The following MGMT variants were observed in gnomAD, a reference collection of about 807,000 sequenced individuals.
MGMT encodes the protein O-6-methylguanine-DNA methyltransferase.
In MGMT, 14 loss-of-function variants were observed where a neutral mutation model predicts 15.9. The ratio of observed to expected loss-of-function variants is 0.88; its 90% CI spans 0.58 to 1.37. The LOEUF (loss-of-function observed/expected upper bound fraction) is 1.37. MGMT is among the 40% of genes most tolerant of loss of function. The pLI is 0.00. For missense variants in MGMT, 282 were observed against 268.1 expected (o/e 1.05, Z -0.36); for synonymous variants, 130 against 118.2 (o/e 1.10, Z -0.65).
intron 2 of MGMT, among the ~76,000 whole-genome samples, chr10:129,538,033 G>C (rs1168917516): frequency 6.6e-6 from 1 of 152,146 alleles, no homozygotes; most frequent in African/African-American, 2.4e-5. Flanking sequence ...GTGGGATTTG[G>C]GGGGCAGCCA....
chr10:129,581,807 C>T (rs1846558837), intron 2 of MGMT, among the ~76,000 whole-genome samples: 1 of 152,230 alleles, frequency 6.6e-6, no homozygotes, highest in Non-Finnish European at 1.5e-5. Flanking sequence ...CCGTCCCGTC[C>T]TCCTGGAGAC....
At chr10:129,666,604 A>G (rs1001883677) in intron 2 of MGMT, among the ~76,000 whole-genome samples, 1 of 152,190 alleles carries the variant, frequency 6.6e-6, no homozygotes, top group African/African-American at 2.4e-5. Context: ...TGACTTTTGT[A>G]CTTGGCCATT....
At chr10:129,575,030 T>A (rs1564857080) in intron 2 of MGMT, among the ~76,000 whole-genome samples, 1 of 152,004 alleles carries the variant, frequency 6.6e-6, no homozygotes, top group Non-Finnish European at 1.5e-5. Context: ...GCATCAAACC[T>A]TGCAGAGTTC....
In MGMT at chr10:129,730,536, C is replaced by T. The variant is rs192812440; in HGVS notation, c.274+22493C>T. 6.4e-4 allele frequency among the ~76,000 whole-genome samples: 98 copies of T among 152,296 alleles called. 1 individual carries two copies. Among genetic ancestry groups the T allele is most frequent in the Admixed American group, 2.2e-3 (33 of 15,292 alleles). Reference sequence around the variant, plus strand: ...TAAGGGAAGGCAGAGAAAGCCAGTGCTCCAAAGACAGCAGAGCAGACGCGA... The same window carrying T: ...TAAGGGAAGGCAGAGAAAGCCAGTGTTCCAAAGACAGCAGAGCAGACGCGA... On this transcript the variant is annotated intron_variant, in intron 3 of 4. Transcript: ENST00000651593.
At chr10:129,728,745 C>A (rs147382957) in intron 3 of MGMT, among the ~76,000 whole-genome samples, 380 of 151,990 alleles carry the variant, frequency 2.5e-3, no homozygotes, top group African/African-American at 9.0e-3. Flanking sequence ...CCCACCACCC[C>A]CTGTTCTCTG....
chr10:129,552,193 T>G (rs893496304), intron 2 of MGMT, among the ~76,000 whole-genome samples: 1 of 152,192 alleles, frequency 6.6e-6, no homozygotes, highest in Non-Finnish European at 1.5e-5. Flanking sequence ...CACCCGCTCA[T>G]GGCCGAGCGC....
At chr10:129,635,821 C>T (rs888295831) in intron 2 of MGMT, among the ~76,000 whole-genome samples, 20 of 152,130 alleles carry the variant, frequency 1.3e-4, no homozygotes, top group Non-Finnish European at 2.5e-4. Context: ...GACCCTCTTA[C>T]AAGCTGGTAC....
rs1310703840 is a variant in MGMT at position 129,727,744 on chromosome 10, C to T, written c.274+19701C>T. On this transcript the variant is annotated intron_variant, in intron 3 of 4. Transcript: ENST00000651593. The stretch of plus-strand genomic sequence containing the variant: ...GACTCGCAGCATCCCCCAAGAATGC[C>T]TGGGCTTGGTGCTGCCAGAAAGGTA... Among the ~76,000 whole-genome samples the T allele has an allele frequency of 3.3e-5, 5 of 152,306 alleles. No homozygotes were observed. In the East Asian group the frequency reaches 7.7e-4, roughly 24 times the overall value.
intron 3 of MGMT, among the ~76,000 whole-genome samples, chr10:129,711,973 T>C (rs1848238172): frequency 6.6e-6 from 1 of 152,218 alleles, no homozygotes; most frequent in Admixed American, 6.5e-5. Flanking sequence ...TAATGTGCCT[T>C]CTGGAGAAGC....
chr10:129,506,769 C>T (rs137877883), intron 1 of MGMT, among the ~76,000 whole-genome samples: 23 of 152,306 alleles, frequency 1.5e-4, no homozygotes, highest in African/African-American at 2.6e-4. Flanking sequence ...GTTTATTCAA[C>T]GTACATAGTA....
rs998799845 is a variant in MGMT at position 129,602,197 on chromosome 10, C to T, written c.125+65820C>T. The stretch of plus-strand genomic sequence containing the variant: ...CAGAATCATATACATTTAAAATCTT[C>T]ATTTTTATTGCTTTTTTTTTAAAGT... On this transcript the variant is annotated intron_variant, in intron 2 of 4. Coordinates refer to ENST00000651593, the MANE Select transcript of MGMT (RefSeq NM_002412.5). Among the ~76,000 whole-genome samples, 6 of 152,080 alleles carry T rather than the reference C, an allele frequency of 3.9e-5. No homozygotes were observed. The South Asian group carries it at 1.0e-3, about 26-fold the overall frequency.
At chr10:129,523,836 T>A (rs558785131) in intron 1 of MGMT, among the ~76,000 whole-genome samples, 3 of 152,172 alleles carry the variant, frequency 2.0e-5, no homozygotes, top group Non-Finnish European at 2.9e-5. Context: ...CACGAGATTG[T>A]GTGAGTCCAC....
At chr10:129,496,750 T>G (rs891825056) in intron 1 of MGMT, among the ~76,000 whole-genome samples, 2 of 152,212 alleles carry the variant, frequency 1.3e-5, no homozygotes, top group African/African-American at 4.8e-5. Context: ...GCATTTGGTG[T>G]TGTTTTAAAT....
At chr10:129,612,558 G>A (rs1846973563) in intron 2 of MGMT, among the ~76,000 whole-genome samples, 1 of 152,212 alleles carries the variant, frequency 6.6e-6, no homozygotes, top group African/African-American at 2.4e-5. Flanking sequence ...GTGAGTTAAT[G>A]CAGGGCTTGG....
intron 2 of MGMT, among the ~76,000 whole-genome samples, chr10:129,617,118 C>T (rs1225300682): frequency 6.6e-6 from 1 of 152,014 alleles, no homozygotes; most frequent in Non-Finnish European, 1.5e-5. Context: ...GTCTTCAATC[C>T]TCACCCTCCT....
At chr10:129,640,802 G>A (rs1419481977) in intron 2 of MGMT, among the ~76,000 whole-genome samples, 1 of 152,162 alleles carries the variant, frequency 6.6e-6, no homozygotes, top group Non-Finnish European at 1.5e-5. Context: ...ATGTAAGACT[G>A]TTCAGTATTT....
At chr10:129,696,142 G>A (rs935525314) in intron 2 of MGMT, among the ~76,000 whole-genome samples, 4 of 152,174 alleles carry the variant, frequency 2.6e-5, no homozygotes, top group Non-Finnish European at 4.4e-5. Flanking sequence ...CTCCTCCCCA[G>A]AGGCCCAGAA....
At chr10:129,731,923 G>T (rs761153106) in intron 3 of MGMT, among the ~76,000 whole-genome samples, 1 of 152,062 alleles carries the variant, frequency 6.6e-6, no homozygotes, top group South Asian at 2.1e-4. Context: ...GTCACATCAC[G>T]TAGCCCCCAG....
chr10:129,625,856 A>G (rs530683781), intron 2 of MGMT, among the ~76,000 whole-genome samples: 1 of 152,220 alleles, frequency 6.6e-6, no homozygotes, highest in Non-Finnish European at 1.5e-5. Context: ...TCTACCTTCA[A>G]GTTTTCCCCA....
Sources: allele counts gnomAD v4.1 joint callset (sites outside exome capture counted in the v4.1 genomes callset), GRCh38; gene constraint gnomAD v4.1.1; transcripts MANE v1.5; gene names NCBI Gene and HGNC (gene_info 2026-07-23, HGNC 2026-07-21).